Variants in HNF4G observed in about 807,000 individuals in gnomAD.
The protein encoded by HNF4G is hepatocyte nuclear factor 4-gamma.
HNF4G carries 21 observed loss-of-function variants against 50.9 expected under a neutral mutation model. That is an observed-to-expected ratio of 0.41 (90% CI 0.29 to 0.59). The LOEUF (loss-of-function observed/expected upper bound fraction) is 0.59, where lower values mean the gene tolerates loss of function less well. HNF4G is among the 20% of genes least tolerant of loss of function. The pLI, the probability that HNF4G is intolerant of heterozygous loss-of-function variation, is 0.26. For missense variants in HNF4G, 527 were observed against 559.4 expected (o/e 0.94, Z 0.58); for synonymous variants, 198 against 185.6 (o/e 1.07, Z -0.54).
chr8:75,449,586 A>C (rs1234686559), intron 1 of HNF4G, among the ~76,000 whole-genome samples: 1 of 145,702 alleles, frequency 6.9e-6, no homozygotes, highest in African/African-American at 2.6e-5. Flanking sequence ...GGCTCACTGC[A>C]AGCTCCGCCT....
intron 1 of HNF4G, among the ~76,000 whole-genome samples, chr8:75,410,692 G>A (rs1810479884): frequency 6.6e-6 from 1 of 152,084 alleles, no homozygotes; most frequent in Admixed American, 6.6e-5. Flanking sequence ...CACACCCCTA[G>A]GGCAAAAGTA....
chr8:75,531,790 C>T (rs1435878586), intron 2 of HNF4G, among the ~76,000 whole-genome samples: 1 of 152,010 alleles, frequency 6.6e-6, no homozygotes, highest in Non-Finnish European at 1.5e-5. Flanking sequence ...AGATTATATG[C>T]AAATACTATG....
Position 75,521,881 on chromosome 8 carries a change from C to A in HNF4G, c.-23-21930C>A, listed in dbSNP as rs559434274. Among the ~76,000 whole-genome samples, 530 of 152,300 alleles carry A rather than the reference C, an allele frequency of 3.5e-3. 6 individuals carry two copies. The highest frequency in any genetic ancestry group is 0.012 in the African/African-American group (508 of 41,572). On this transcript the variant is annotated intron_variant, in intron 2 of 10. Transcript: ENST00000354370. ...TTTGTATGTCTCCATTCCCCCCACA[C>A]ACAGTCCTTGCCTTACAATGGCCCT...
At position 75,560,260 on chromosome 8, in the gene HNF4G, C is replaced by A; in HGVS notation, c.1124-84C>A. ...CTTGGCAAAAATAGCGATATTTAAG[C>A]TGTCAATCAAAACATTTGTTTCAAG... On this transcript the variant is annotated intron_variant, in intron 8 of 9. Transcript: ENST00000396423. 2.1e-6 allele frequency: 3 copies of A among 1,431,618 alleles called. No homozygotes were observed. The South Asian group carries it at 3.6e-5, about 17-fold the overall frequency. 88.7% of individuals were successfully genotyped at this position (1,431,618 alleles called of 1,614,324 possible). A position where few individuals can be genotyped will look rare whatever the true frequency, so the allele number is the denominator to read the frequency against.
chr8:75,436,461 G>A (rs1384641736), intron 1 of HNF4G, among the ~76,000 whole-genome samples: 1 of 152,040 alleles, frequency 6.6e-6, no homozygotes, highest in African/African-American at 2.4e-5. Flanking sequence ...CAGAATGCTC[G>A]GCCCATAAAC....
chr8:75,479,778 A>T (rs1380740503), intron 1 of HNF4G, among the ~76,000 whole-genome samples: 1 of 152,098 alleles, frequency 6.6e-6, no homozygotes, highest in Non-Finnish European at 1.5e-5. Context: ...AAAAAAGAAC[A>T]TTTCTTTATC....
rs193145329 is a variant in HNF4G at position 75,512,908 on chromosome 8, G to C, written c.-24+22700G>C. Among the ~76,000 whole-genome samples, 10 of 152,120 alleles carry C rather than the reference G, an allele frequency of 6.6e-5. No individual in the cohort carries two copies. The East Asian group carries it at 1.9e-3, about 29-fold the overall frequency. On this transcript the variant is annotated intron_variant, in intron 2 of 10. Transcript: ENST00000354370. ...CATTACTAACTTAGTATGACTTTTG[G>C]TTTATGTTCTAAAAGAGTGTATAGA...
chr8:75,521,662 G>GAT (rs1345312630), intron 2 of HNF4G, among the ~76,000 whole-genome samples: 1 of 152,110 alleles, frequency 6.6e-6, no homozygotes, highest in Non-Finnish European at 1.5e-5. Context: ...AAACTAATTT[G>GAT]ATACCATCTT....
rs373315604 is a variant in HNF4G, at chr8:75,511,661, G to A, written c.-24+21453G>A. ...GGCTGGACTGCAGTGGGCGATCTCG[G>A]CTCACTGCAAGCTCTGCCTCCCGGG... On this transcript the variant is annotated intron_variant, in intron 2 of 10. Coordinates refer to the HNF4G transcript ENST00000354370. 4.7e-4 allele frequency among the ~76,000 whole-genome samples: 72 copies of A among 152,270 alleles called. 2 individuals are homozygous for A. The East Asian group carries it at 0.011, about 23-fold the overall frequency.
At chr8:75,470,642 G>A (rs1325350837) in intron 1 of HNF4G, among the ~76,000 whole-genome samples, 1 of 151,536 alleles carries the variant, frequency 6.6e-6, no homozygotes, top group African/African-American at 2.4e-5. Context: ...ATAACTATAA[G>A]CCAGTGACAG....
At chr8:75,450,737 A>T (rs1331022416) in intron 1 of HNF4G, among the ~76,000 whole-genome samples, 1 of 152,220 alleles carries the variant, frequency 6.6e-6, no homozygotes, top group Non-Finnish European at 1.5e-5. Context: ...TTGGACACTT[A>T]ATCTGCAATG....
At chr8:75,486,337 T>A (rs1812496700) in intron 1 of HNF4G, among the ~76,000 whole-genome samples, 1 of 152,246 alleles carries the variant, frequency 6.6e-6, no homozygotes, top group South Asian at 2.1e-4. Flanking sequence ...GACCTCAACA[T>A]GCTTTCTGGT....
chr8:75,541,796 A>T (rs763437691), intron 1 of HNF4G, among the ~76,000 whole-genome samples: 173 of 152,178 alleles, frequency 1.1e-3, no homozygotes, highest in Non-Finnish European at 2.1e-3. Context: ...TCTACATTTA[A>T]AAAATAATTA....
In HNF4G at chr8:75,558,859, C is replaced by T. The variant is rs748968405; in HGVS notation, c.945C>T (p.Ile315=). 7 of 1,613,996 alleles carry T rather than the reference C, an allele frequency of 4.3e-6. No individual in the cohort carries two copies. The highest frequency in any genetic ancestry group is 5.9e-6 in the Non-Finnish European group (7 of 1,179,984). The change falls in exon 8 of 10, where the codon ATC becomes ATT. Residue 315 remains isoleucine (I), a synonymous_variant. Coordinates refer to ENST00000396423, the MANE Select transcript of HNF4G (RefSeq NM_004133.5). ...KIKNMRFQVQ[I]GLEDYINDRQ... The stretch of plus-strand genomic sequence containing the variant: ...AGAACATGAGGTTCCAAGTGCAGAT[C>T]GGTTTGGAGGACTACATCAATGATC...
intron 3 of HNF4G, among the ~76,000 whole-genome samples, chr8:75,548,800 T>C (rs899166426): frequency 6.6e-6 from 1 of 152,322 alleles, no homozygotes; most frequent in African/African-American, 2.4e-5. Flanking sequence ...ATGAAGCCCA[T>C]CTTTAACATA....
intron 2 of HNF4G, among the ~76,000 whole-genome samples, chr8:75,512,839 C>A (rs1805793997): frequency 6.6e-6 from 1 of 152,082 alleles, no homozygotes; most frequent in Non-Finnish European, 1.5e-5. Context: ...TTCTAATGTT[C>A]TTACAATATA....
chr8:75,449,218 A>G (rs2130572624), intron 1 of HNF4G, among the ~76,000 whole-genome samples: 1 of 152,286 alleles, frequency 6.6e-6, no homozygotes, highest in African/African-American at 2.4e-5. Context: ...AGCCATTGGC[A>G]ATATTTTTTT....
chr8:75,485,078 C>A (rs1812468929), intron 1 of HNF4G, among the ~76,000 whole-genome samples: 2 of 152,032 alleles, frequency 1.3e-5, no homozygotes, highest in Non-Finnish European at 1.5e-5. Flanking sequence ...GTCAAATATG[C>A]AGAAATATTA....
At chr8:75,432,315 T>A (rs1811034150) in intron 1 of HNF4G, among the ~76,000 whole-genome samples, 1 of 151,918 alleles carries the variant, frequency 6.6e-6, no homozygotes, top group African/African-American at 2.4e-5. Context: ...ATTTGTTTTA[T>A]TTATTTATTT....
Sources: gnomAD v4.1 joint callset for allele counts (sites outside exome capture counted in the v4.1 genomes callset) on GRCh38, gnomAD v4.1.1 for gene constraint, MANE v1.5 for transcripts, NCBI Gene and HGNC (gene_info 2026-07-23, HGNC 2026-07-21) for gene names.